SMAP1: variants seen among roughly 807,000 people sequenced by gnomAD.
SMAP1 encodes the protein small ArfGAP 1.
In SMAP1, 24 loss-of-function variants were observed where a neutral mutation model predicts 58.5. That is an observed-to-expected ratio of 0.41 (90% CI 0.30 to 0.58). The LOEUF (loss-of-function observed/expected upper bound fraction) is 0.58, where lower values mean the gene tolerates loss of function less well. Among genes scored for constraint, SMAP1 ranks in the 20% least tolerant of loss-of-function variants. The probability of loss-of-function intolerance (pLI) is 0.29; values close to 1 mark genes in which losing one functional copy is unlikely to be tolerated. For missense variants in SMAP1, 563 were observed against 566.3 expected, an observed-to-expected ratio of 0.99 and a Z score of 0.06; for synonymous variants, 216 against 196.6, an observed-to-expected ratio of 1.10 and a Z score of -0.82.
rs371271291 is a variant in SMAP1 at position 70,857,902 on chromosome 6, A to G, written c.962-20A>G. On this transcript the variant is annotated intron_variant, in intron 9 of 10. Coordinates refer to ENST00000370455, the MANE Select transcript of SMAP1 (RefSeq NM_001044305.3). Reference sequence around the variant, plus strand: ...ACACGTGATAGCTCTGTCTTCATTCATTTTCTTTTTGTGGTGCAGGTGTAT... The same window carrying G: ...ACACGTGATAGCTCTGTCTTCATTCGTTTTCTTTTTGTGGTGCAGGTGTAT... The G allele has an allele frequency of 4.4e-5, 71 of 1,610,366 alleles. No homozygotes were observed. In the African/African-American group the frequency reaches 8.4e-4, roughly 19 times the overall value.
At chr6:70,693,231 C>T (rs1177471829) in intron 1 of SMAP1, among the ~76,000 whole-genome samples, 1 of 151,160 alleles carries the variant, frequency 6.6e-6, no homozygotes, top group East Asian at 1.9e-4. Context: ...GTTCTTGTTG[C>T]CTGGACTATT....
intron 3 of SMAP1, chr6:70,759,880 T>G (rs745974629): frequency 1.3e-5 from 6 of 450,412 alleles, no homozygotes; most frequent in Non-Finnish European, 2.7e-5. Flanking sequence ...GCTTAATAAG[T>G]GTTTGCCCTA....
intron 1 of SMAP1, among the ~76,000 whole-genome samples, chr6:70,691,977 A>G (rs1767187933): frequency 6.6e-6 from 1 of 152,190 alleles, no homozygotes; most frequent in Non-Finnish European, 1.5e-5. Context: ...GTATATAGCT[A>G]GCAGTGGGAT....
intron 8 of SMAP1, among the ~76,000 whole-genome samples, chr6:70,855,273 T>C (rs1771367727): frequency 6.6e-6 from 1 of 152,118 alleles, no homozygotes. Context: ...GTCGTAGTGC[T>C]GGCGAGTGGA....
intron 6 of SMAP1, among the ~76,000 whole-genome samples, chr6:70,817,191 C>T (rs1169729163): frequency 6.6e-6 from 1 of 151,416 alleles, no homozygotes; most frequent in East Asian, 1.9e-4. Flanking sequence ...GCTCAAGCCG[C>T]ACATTATTAT....
Position 70,858,169 on chromosome 6 carries a change from T to C in SMAP1, c.1209T>C (p.Gly403=), listed in dbSNP as rs780212927. 1.2e-6 allele frequency: 2 copies of C among 1,613,424 alleles called. No homozygotes were observed. Among genetic ancestry groups the C allele is most frequent in the South Asian group, 1.1e-5 (1 of 91,056 alleles). ...AAGGAGGAATGGTGGGACAAATGGG[T>C]GCACCCCAGAGTAAGTTTGGCCTGC... ...GPQGGMVGQM[G]APQSKFGLPQ... Residue 403 remains glycine, a synonymous_variant, in exon 10 of 11, where the codon GGT becomes GGC. Transcript: ENST00000370455.
intron 5 of SMAP1, among the ~76,000 whole-genome samples, chr6:70,794,788 C>CTTTTTTT (rs34050089): frequency 8.7e-6 from 1 of 114,988 alleles, no homozygotes; most frequent in Non-Finnish European, 1.8e-5. Flanking sequence ...ATTTTCTTTT[C>CTTTTTTT]TTTTTTTTTT....
rs560088037 is a variant in SMAP1 at position 70,757,717 on chromosome 6, A to G, written c.338+2652A>G. On this transcript the variant is annotated intron_variant, in intron 3 of 10. Transcript: ENST00000370455. The stretch of plus-strand genomic sequence containing the variant: ...ATCAAAAAGTGGGCGAAGGACATGA[A>G]CAGACACTTCTCAAAAGAAGACATC... Among the ~76,000 whole-genome samples, 4 of 152,352 alleles carry G rather than the reference A, an allele frequency of 2.6e-5. No homozygotes were observed. The East Asian group carries it at 7.7e-4, about 29-fold the overall frequency.
At chr6:70,732,981 A>G (rs947672138) in intron 2 of SMAP1, among the ~76,000 whole-genome samples, 1 of 152,216 alleles carries the variant, frequency 6.6e-6, no homozygotes, top group Non-Finnish European at 1.5e-5. Context: ...ACCTAAACTT[A>G]CTTATGAGTG....
In SMAP1 at chr6:70,860,662, T is replaced by TATC. The variant is rs1230242572; in HGVS notation, c.*331_*333dup. 7.2e-6 allele frequency: 3 copies of TATC among 417,838 alleles called. No homozygotes were observed. The highest frequency in any genetic ancestry group is 2.0e-5 in the African/African-American group (1 of 49,052). 25.9% of individuals were successfully genotyped at this position (417,838 alleles called of 1,614,324 possible). A position where few individuals can be genotyped will look rare whatever the true frequency, so the allele number is the denominator to read the frequency against. On this transcript the variant is annotated 3_prime_UTR_variant, in exon 11 of 11. Coordinates refer to ENST00000370455, the MANE Select transcript of SMAP1 (RefSeq NM_001044305.3). ...AATGTTTGCATATAAGGGAAGTAGT[T>TATC]ATCATGTTAGTAATACCTCTAATAG...
At chr6:70,775,483 T>A (rs1241212495) in intron 4 of SMAP1, among the ~76,000 whole-genome samples, 1 of 152,168 alleles carries the variant, frequency 6.6e-6, no homozygotes. Flanking sequence ...TTCCTTCATT[T>A]ATAAGATACG....
rs79863158 is a variant in SMAP1 at position 70,735,296 on chromosome 6, C to T, written c.252+2785C>T. On this transcript the variant is annotated intron_variant, in intron 2 of 10. Transcript: ENST00000370455. Reference sequence around the variant, plus strand: ...CTTCATGCCAATTTCCAGTCAAGTCCCCCAGGGGCATACACTACACTGATT... The same window carrying T: ...CTTCATGCCAATTTCCAGTCAAGTCTCCCAGGGGCATACACTACACTGATT... Among the ~76,000 whole-genome samples, 554 of 152,188 alleles carry T rather than the reference C, an allele frequency of 3.6e-3. 2 individuals are homozygous for T. Among genetic ancestry groups the T allele is most frequent in the African/African-American group, 0.013 (531 of 41,530 alleles).
chr6:70,793,711 TTTTATTTA>T (rs202039044), intron 5 of SMAP1, among the ~76,000 whole-genome samples: 3 of 151,568 alleles, frequency 2.0e-5, no homozygotes, highest in Admixed American at 2.0e-4. Flanking sequence ...TTTATTTTAT[TTTTATTTA>T]TTTATTTATT....
At chr6:70,748,073 C>G (rs1317150067) in intron 2 of SMAP1, among the ~76,000 whole-genome samples, 1 of 152,052 alleles carries the variant, frequency 6.6e-6, no homozygotes, top group African/African-American at 2.4e-5. Flanking sequence ...AACGGTGGCC[C>G]TTCTTTTCCA....
chr6:70,840,295 G>A (rs1303605119), intron 7 of SMAP1, among the ~76,000 whole-genome samples: 1 of 152,082 alleles, frequency 6.6e-6, no homozygotes, highest in Non-Finnish European at 1.5e-5. Flanking sequence ...CTTTATATGG[G>A]ACTTTAATGA....
At chr6:70,724,311 C>T (rs1326900485) in intron 1 of SMAP1, among the ~76,000 whole-genome samples, 1 of 152,034 alleles carries the variant, frequency 6.6e-6, no homozygotes, top group Non-Finnish European at 1.5e-5. Flanking sequence ...ATTCTCCTGC[C>T]TCAGCCTCCC....
chr6:70,786,135 A>G (rs1768015703), intron 4 of SMAP1, among the ~76,000 whole-genome samples: 1 of 152,120 alleles, frequency 6.6e-6, no homozygotes, highest in South Asian at 2.1e-4. Context: ...CTGGGACGCA[A>G]GGCTGGTTCA....
intron 6 of SMAP1, among the ~76,000 whole-genome samples, chr6:70,820,898 A>G (rs1769859057): frequency 6.6e-6 from 1 of 152,166 alleles, no homozygotes; most frequent in Non-Finnish European, 1.5e-5. Context: ...TAAGTAGGCC[A>G]AACTATCATA....
intron 1 of SMAP1, among the ~76,000 whole-genome samples, chr6:70,700,306 CCTCTTTT>C (rs1767577324): frequency 6.6e-6 from 1 of 152,180 alleles, no homozygotes; most frequent in Non-Finnish European, 1.5e-5. Context: ...ACCAATTAAA[CCTCTTTT>C]CTCTTTTCAG....
Sources: gnomAD v4.1 joint callset for allele counts (sites outside exome capture counted in the v4.1 genomes callset) on GRCh38, gnomAD v4.1.1 for gene constraint, MANE v1.5 for transcripts, NCBI Gene and HGNC (gene_info 2026-07-23, HGNC 2026-07-21) for gene names.